DNMBP: variants seen among roughly 807,000 people sequenced by gnomAD.
DNMBP encodes dynamin binding protein.
In DNMBP, 87 loss-of-function variants were observed where a neutral mutation model predicts 150.0. That is an observed-to-expected ratio of 0.58 (90% CI 0.49 to 0.69). The LOEUF is 0.69. DNMBP is among the 30% of genes least tolerant of loss of function. The pLI, the probability that DNMBP is intolerant of heterozygous loss-of-function variation, is 0.00. For synonymous variants in DNMBP, 711 were observed against 750.4 expected (o/e 0.95, Z 0.86); for missense variants, 1,774 against 1,949.0 (o/e 0.91, Z 1.69).
chr10:100,003,694 AAAC>A (rs1005884016), intron 1 of DNMBP, among the ~76,000 whole-genome samples: 25 of 152,088 alleles, frequency 1.6e-4, no homozygotes, highest in Admixed American at 3.9e-4. Flanking sequence ...ATCTCTATTA[AAAC>A]AACAACAACA....
intron 6 of DNMBP, among the ~76,000 whole-genome samples, chr10:99,903,124 A>G (rs571870971): frequency 0.037 from 4,175 of 114,124 alleles, 57 homozygotes; most frequent in South Asian, 0.085. Flanking sequence ...TTTTTTTTGT[A>G]GAAACGAGGT....
chr10:99,877,078 TCTCGGTGGGCCGCCAGAACC>T lies in DNMBP; in HGVS notation c.*53_*72del. 1 of 1,434,246 alleles carries T rather than the reference TCTCGGTGGGCCGCCAGAACC, an allele frequency of 7.0e-7. No homozygotes were observed. Among genetic ancestry groups the T allele is most frequent in the Non-Finnish European group, 9.5e-7 (1 of 1,055,414 alleles). The allele number at this position is 1,434,246 out of a possible 1,614,324, so 88.8% of individuals were successfully genotyped here. On this transcript the variant is annotated 3_prime_UTR_variant, in exon 17 of 17. Transcript: ENST00000324109. Reference sequence around the variant, plus strand: ...GCCTGTGTCTCAGGAGCAGGCGCCCTCTCGGTGGGCCGCCAGAACCCTCGGCGGACTGAAAGCAAAGGCAG... The same window carrying T: ...GCCTGTGTCTCAGGAGCAGGCGCCCTCTCGGCGGACTGAAAGCAAAGGCAG...
intron 10 of DNMBP, among the ~76,000 whole-genome samples, chr10:99,895,638 C>T (rs1408276464): frequency 6.6e-6 from 1 of 152,244 alleles, no homozygotes; most frequent in East Asian, 1.9e-4. Context: ...GAACCTAGGA[C>T]TGTTCCTCAT....
chr10:99,879,853 G>C lies in DNMBP; in HGVS notation c.4506C>G (p.Asp1502Glu), dbSNP rs1408815960. The change falls in exon 16 of 17, where the codon GAC (aspartate) becomes GAG (glutamate). Residue 1502 changes from aspartate to glutamate, a missense_variant. Physicochemically the swap from Asp to Glu is conservative, Grantham distance 45 (BLOSUM62 2). Transcript: ENST00000324109. ...CACTGCCATCTGGCTCTGTACTTCTGTCTTCCGGAGCCTGGGCTGTTCTTG... is the reference window on the plus strand; with the variant it reads ...CACTGCCATCTGGCTCTGTACTTCTCTCTTCCGGAGCCTGGGCTGTTCTTG... Reference protein sequence around the residue: ...GCARTAQAPEDRSTEPDGSEA... With the variant: ...GCARTAQAPEERSTEPDGSEA... 1.2e-6 allele frequency: 2 copies of C among 1,614,102 alleles called. No homozygotes were observed. Among genetic ancestry groups the C allele is most frequent in the Non-Finnish European group, 1.7e-6 (2 of 1,180,042 alleles).
intron 9 of DNMBP, among the ~76,000 whole-genome samples, chr10:99,896,784 A>C (rs1590219173): frequency 6.6e-6 from 1 of 152,360 alleles, no homozygotes; most frequent in East Asian, 1.9e-4. Context: ...GCCATACACA[A>C]ATGAGATATT....
chr10:99,914,612 C>T (rs758790234), intron 4 of DNMBP, among the ~76,000 whole-genome samples: 2 of 152,150 alleles, frequency 1.3e-5, no homozygotes, highest in Non-Finnish European at 2.9e-5. Context: ...GAGTGATTCA[C>T]AGGAACTGGG....
chr10:99,936,515 CTTT>C (rs34804787), intron 4 of DNMBP, among the ~76,000 whole-genome samples: 13 of 134,306 alleles, frequency 9.7e-5, no homozygotes, highest in Admixed American at 1.5e-4. Flanking sequence ...TTTCTTTTTT[CTTT>C]TTTTTTTTTT....
At chr10:99,954,922 G>T (rs1289307246) in intron 4 of DNMBP, among the ~76,000 whole-genome samples, 1 of 151,428 alleles carries the variant, frequency 6.6e-6, no homozygotes, top group African/African-American at 2.4e-5. Flanking sequence ...TGGTGATGGC[G>T]CATGTCTGCA....
intron 1 of DNMBP, among the ~76,000 whole-genome samples, chr10:99,974,790 T>C (rs919799219): frequency 6.6e-6 from 1 of 152,202 alleles, no homozygotes; most frequent in Non-Finnish European, 1.5e-5. Context: ...TTTATTTATT[T>C]ATGAGACAGG....
At chr10:99,886,149 T>C in intron 13 of DNMBP, 151 bp downstream of exon 13, 2 of 755,564 alleles carry the variant, frequency 2.6e-6, no homozygotes, top group Non-Finnish European at 4.2e-6. Context: ...CATGACACCA[T>C]CAAGGGATTA....
chr10:99,987,182 A>G (rs1589450310), intron 1 of DNMBP, among the ~76,000 whole-genome samples: 1 of 151,172 alleles, frequency 6.6e-6, no homozygotes, highest in African/African-American at 2.4e-5. Flanking sequence ...AATCTCTAAC[A>G]GGAGATGGGG....
intron 4 of DNMBP, among the ~76,000 whole-genome samples, chr10:99,915,214 T>TACACAC (rs10654941): frequency 0.012 from 1,686 of 142,522 alleles, 21 homozygotes; most frequent in Non-Finnish European, 0.019. Context: ...CATATATACA[T>TACACAC]ACACACACAC....
At chr10:99,955,193 T>C (rs2040470163) in intron 4 of DNMBP, 21 bp downstream of exon 4, 3 of 1,592,894 alleles carry the variant, frequency 1.9e-6, no homozygotes, top group African/African-American at 2.7e-5. Flanking sequence ...AACAATTACA[T>C]ATTATTTCCT....
intron 4 of DNMBP, among the ~76,000 whole-genome samples, chr10:99,952,304 C>G (rs559427076): frequency 6.6e-6 from 1 of 152,236 alleles, no homozygotes; most frequent in East Asian, 1.9e-4. Context: ...GAATTGTTTA[C>G]AGGTTTATCT....
Position 99,879,891 on chromosome 10 carries a change from C to T in DNMBP, c.4468G>A (p.Val1490Ile), listed in dbSNP as rs199968530. ...PGRNGQSQDLVKGCARTAQAP... is the reference protein window; with the variant it reads ...PGRNGQSQDLIKGCARTAQAP... ...TGGGCTGTTCTTGCACATCCTTTGA[C>T]GAGGTCTTGACTTTGCCCATTTCGT... is the stretch of plus-strand genomic sequence containing the variant. The change falls in exon 16 of 17, where the codon GTC becomes ATC. Residue 1490 changes from valine (V) to isoleucine (I), a missense_variant. By Grantham distance (29) the Val-to-Ile change is conservative (BLOSUM62 3). Around this residue, in one of 2 missense-constraint regions of DNMBP, gnomAD observed 1,430 missense variants for 1,492.5 expected, o/e 0.96. Transcript: ENST00000324109. 825 of 1,614,108 alleles carry T rather than the reference C, an allele frequency of 5.1e-4. No homozygotes were observed. The highest frequency in any genetic ancestry group is 9.9e-4 in the Middle Eastern group (6 of 6,084).
intron 1 of DNMBP, among the ~76,000 whole-genome samples, chr10:99,986,716 A>T (rs973517287): frequency 2.6e-5 from 4 of 151,986 alleles, no homozygotes; most frequent in Non-Finnish European, 5.9e-5. Context: ...AGGTTAGGAC[A>T]TCCATACAGT....
rs1199196058 is a variant in DNMBP at position 99,957,219 on chromosome 10, G to A, written c.269-14C>T. 2.5e-6 allele frequency: 4 copies of A among 1,593,934 alleles called. No individual in the cohort carries two copies. Among genetic ancestry groups the A allele is most frequent in the Admixed American group, 3.3e-5 (2 of 59,742 alleles). On this transcript the variant is annotated splice_polypyrimidine_tract_variant and intron_variant, in intron 3 of 16. Coordinates refer to ENST00000324109, the MANE Select transcript of DNMBP (RefSeq NM_015221.4). ...TCACCAGGTCACCTAAAGAAAAGAG[G>A]AGCAGAGATGGTGACCTCAGTCATC...
intron 4 of DNMBP, among the ~76,000 whole-genome samples, chr10:99,943,916 A>G (rs1465679446): frequency 6.6e-6 from 1 of 152,220 alleles, no homozygotes; most frequent in Non-Finnish European, 1.5e-5. Context: ...TACCCAGTAG[A>G]CTGGGGAAAT....
At chr10:99,988,853 G>C (rs1285306101) in intron 1 of DNMBP, among the ~76,000 whole-genome samples, 1 of 151,960 alleles carries the variant, frequency 6.6e-6, no homozygotes, top group East Asian at 1.9e-4. Flanking sequence ...GTAGAGATGG[G>C]GTTTTACCAT....
Sources: gnomAD v4.1 joint callset for allele counts (sites outside exome capture counted in the v4.1 genomes callset) on GRCh38, gnomAD v4.1.1 for gene constraint, gnomAD v4.1.1 regional missense constraint, MANE v1.5 for transcripts, NCBI Gene and HGNC (gene_info 2026-07-23, HGNC 2026-07-21) for gene names.